Variants in CNTN5 observed in about 807,000 individuals in gnomAD.
CNTN5 encodes contactin 5.
In CNTN5, 77 loss-of-function variants were observed where a neutral mutation model predicts 129.1. The observed-to-expected ratio is 0.60, with a 90% CI of 0.50 to 0.72. The LOEUF (loss-of-function observed/expected upper bound fraction) is 0.72, where lower values mean the gene tolerates loss of function less well. Among genes scored for constraint, CNTN5 ranks in the 30% least tolerant of loss-of-function variants. CNTN5 has a pLI of 0.00. For missense variants in CNTN5, 1,478 were observed against 1,328.8 expected (o/e 1.11, Z -1.75); for synonymous variants, 509 against 465.6 (o/e 1.09, Z -1.20).
At chr11:100,167,863 T>C (rs549585630) in intron 13 of CNTN5, among the ~76,000 whole-genome samples, 208 of 152,102 alleles carry the variant, frequency 1.4e-3, no homozygotes, top group African/African-American at 4.9e-3. Flanking sequence ...TGGCAGACAG[T>C]TAGCCAAGCT....
chr11:99,905,497 A>G (rs888272624), intron 6 of CNTN5, among the ~76,000 whole-genome samples: 7 of 152,252 alleles, frequency 4.6e-5, no homozygotes, highest in African/African-American at 1.4e-4. Flanking sequence ...CCACTGGTCT[A>G]TATATCCGTT....
At chr11:99,588,569 C>T (rs1949880920) in intron 3 of CNTN5, among the ~76,000 whole-genome samples, 1 of 152,066 alleles carries the variant, frequency 6.6e-6, no homozygotes, top group Non-Finnish European at 1.5e-5. Flanking sequence ...TCTTAGGGGG[C>T]ACGTGGTGGA....
chr11:99,550,471 C>T (rs1591264149), intron 2 of CNTN5, among the ~76,000 whole-genome samples: 1 of 152,164 alleles, frequency 6.6e-6, no homozygotes, highest in East Asian at 1.9e-4. Flanking sequence ...AGCCCTATTC[C>T]AACCTTATTC....
chr11:99,999,916 C>G (rs1416743731), intron 8 of CNTN5, among the ~76,000 whole-genome samples: 107 of 151,374 alleles, frequency 7.1e-4, no homozygotes, highest in Non-Finnish European at 1.3e-3. Flanking sequence ...GCCAAAAAAC[C>G]AAACACTGCA....
At chr11:99,459,102 G>A (rs967034594) in intron 2 of CNTN5, among the ~76,000 whole-genome samples, 2 of 151,886 alleles carry the variant, frequency 1.3e-5, no homozygotes, top group Non-Finnish European at 2.9e-5. Flanking sequence ...ACCTTCTTGG[G>A]GCAATAAGGA....
intron 17 of CNTN5, among the ~76,000 whole-genome samples, chr11:100,267,604 C>G (rs1211773706): frequency 2.0e-5 from 3 of 151,866 alleles, no homozygotes; most frequent in Non-Finnish European, 4.4e-5. Context: ...TAAGGAGCAA[C>G]TAGAGCAAAA....
intron 9 of CNTN5, among the ~76,000 whole-genome samples, chr11:100,039,944 T>A (rs1286291630): frequency 6.6e-6 from 1 of 151,972 alleles, no homozygotes; most frequent in Non-Finnish European, 1.5e-5. Context: ...GTAGTTTGAT[T>A]GTCTGAAGCC....
At chr11:99,984,608 A>G (rs117565963) in intron 8 of CNTN5, among the ~76,000 whole-genome samples, 1,698 of 152,230 alleles carry the variant, frequency 0.011, 15 homozygotes, top group Middle Eastern at 0.037. Flanking sequence ...TTTTTATAAG[A>G]TACAATTTGA....
At chr11:99,563,217 C>T (rs766973385) in intron 3 of CNTN5, among the ~76,000 whole-genome samples, 1 of 152,168 alleles carries the variant, frequency 6.6e-6, no homozygotes, top group Non-Finnish European at 1.5e-5. Flanking sequence ...AAACTCTTTT[C>T]TTTTAATGAT....
intron 1 of CNTN5, among the ~76,000 whole-genome samples, chr11:99,167,691 G>A (rs947490553): frequency 3.3e-5 from 5 of 151,962 alleles, no homozygotes; most frequent in African/African-American, 1.2e-4. Context: ...GGGTGTGAAA[G>A]AACTTATGAA....
rs1939772555 is a variant in CNTN5 at position 100,000,240 on chromosome 11, G to A, written c.878-1794G>A. The stretch of plus-strand genomic sequence containing the variant: ...GACAAGAATAGTCCTTTCCACCTAT[G>A]AGCCTGTAAAATAAAAAACAAGTTA... On this transcript the variant is annotated intron_variant, in intron 8 of 24. Coordinates refer to ENST00000524871, the MANE Select transcript of CNTN5 (RefSeq NM_014361.4). 2.0e-5 allele frequency among the ~76,000 whole-genome samples: 3 copies of A among 152,166 alleles called. No individual in the cohort carries two copies. The East Asian group carries it at 5.8e-4, about 29-fold the overall frequency.
At chr11:99,543,540 G>C (rs948602225) in intron 2 of CNTN5, among the ~76,000 whole-genome samples, 12 of 152,156 alleles carry the variant, frequency 7.9e-5, no homozygotes, top group African/African-American at 2.9e-4. Context: ...CAAAGATTGT[G>C]TGAGTCAATC....
intron 3 of CNTN5, among the ~76,000 whole-genome samples, chr11:99,636,840 C>T (rs1358458795): frequency 1.3e-5 from 2 of 150,426 alleles, no homozygotes; most frequent in African/African-American, 4.9e-5. Flanking sequence ...ATGGTGAAAC[C>T]CGTCTCTACT....
At chr11:100,249,387 A>C (rs938103686) in intron 16 of CNTN5, among the ~76,000 whole-genome samples, 1 of 152,166 alleles carries the variant, frequency 6.6e-6, no homozygotes, top group African/African-American at 2.4e-5. Flanking sequence ...GCTTCTGCTC[A>C]GGGCTTTTGA....
intron 18 of CNTN5, among the ~76,000 whole-genome samples, chr11:100,293,182 T>C (rs1288913481): frequency 6.6e-6 from 1 of 151,888 alleles, no homozygotes; most frequent in Non-Finnish European, 1.5e-5. Flanking sequence ...TAGTTCATTG[T>C]GGATCCATAT....
chr11:99,628,179 T>C (rs758345499), intron 3 of CNTN5, among the ~76,000 whole-genome samples: 1 of 151,986 alleles, frequency 6.6e-6, no homozygotes, highest in African/African-American at 2.4e-5. Flanking sequence ...ATTTATTCTA[T>C]AATTTATCAT....
intron 3 of CNTN5, among the ~76,000 whole-genome samples, chr11:99,763,350 A>T (rs575084381): frequency 6.6e-6 from 1 of 152,282 alleles, no homozygotes; most frequent in Admixed American, 6.5e-5. Context: ...AAGGATAATC[A>T]TAAATATTAA....
At chr11:99,183,738 C>T (rs1241597889) in intron 1 of CNTN5, among the ~76,000 whole-genome samples, 2 of 151,994 alleles carry the variant, frequency 1.3e-5, no homozygotes, top group African/African-American at 4.8e-5. Context: ...ATATAGATAG[C>T]TCTGAAACTG....
chr11:100,320,052 CATTTTATTCGA>C (rs1555069179), intron 21 of CNTN5, among the ~76,000 whole-genome samples: 1 of 152,076 alleles, frequency 6.6e-6, no homozygotes, highest in Non-Finnish European at 1.5e-5. Context: ...ATACTGATTT[CATTTTATTCGA>C]ATATATACCA....
Sources: allele counts gnomAD v4.1 joint callset (sites outside exome capture counted in the v4.1 genomes callset), GRCh38; gene constraint gnomAD v4.1.1; transcripts MANE v1.5; gene names NCBI Gene and HGNC (gene_info 2026-07-23, HGNC 2026-07-21).